The following GAS2 variants were observed in gnomAD, a reference collection of about 807,000 sequenced individuals.
GAS2 encodes growth arrest-specific protein 2.
GAS2 carries 20 observed loss-of-function variants against 37.5 expected under a neutral mutation model. That is an observed-to-expected ratio of 0.53 (90% CI 0.37 to 0.77). The LOEUF is 0.77. GAS2 is among the 30% of genes least tolerant of loss of function. The probability of loss-of-function intolerance (pLI) is 0.00; values close to 1 mark genes in which losing one functional copy is unlikely to be tolerated. For synonymous variants in GAS2, 144 were observed against 132.2 expected (o/e 1.09, Z -0.61); for missense variants, 336 against 373.4 (o/e 0.90, Z 0.82).
At chr11:22,710,452 A>G (rs956195362) in intron 3 of GAS2, among the ~76,000 whole-genome samples, 69 of 151,800 alleles carry the variant, frequency 4.5e-4, no homozygotes, top group African/African-American at 1.6e-3. Flanking sequence ...GTTGGAAATG[A>G]AAAATTCAAG....
At chr11:22,639,450 C>A (rs369684363) in intron 1 of GAS2, among the ~76,000 whole-genome samples, 1 of 152,096 alleles carries the variant, frequency 6.6e-6, no homozygotes, top group Admixed American at 6.6e-5. Flanking sequence ...TCTAAATTAC[C>A]AGTCTGTGGT....
chr11:22,639,144 G>T (rs1446945051), intron 1 of GAS2, among the ~76,000 whole-genome samples: 2 of 152,022 alleles, frequency 1.3e-5, no homozygotes, highest in African/African-American at 4.8e-5. Flanking sequence ...GTTCCATATT[G>T]CTATAGTTTG....
chr11:22,732,636 G>C (rs529729107), intron 4 of GAS2, among the ~76,000 whole-genome samples: 1 of 151,798 alleles, frequency 6.6e-6, no homozygotes, highest in South Asian at 2.1e-4. Context: ...ATGACACAGA[G>C]AGTAGTCTGT....
In GAS2 at chr11:22,779,096, G is replaced by GA. The variant is rs538461868; in HGVS notation, c.723+23151dup. Among the ~76,000 whole-genome samples the GA allele has an allele frequency of 2.2e-3, 322 of 149,238 alleles. 1 individual carries two copies. The highest frequency in any genetic ancestry group is 7.5e-3 in the African/African-American group (304 of 40,650). On this transcript the variant is annotated intron_variant, in intron 7 of 7. Transcript: ENST00000454584. ...TTTCTTTTTTGGGTTTAAAATAAAG[G>GA]AAAAAAAATAGAATCAGGGAATACT...
chr11:22,715,624 T>C (rs1851637839), intron 3 of GAS2, among the ~76,000 whole-genome samples: 1 of 151,894 alleles, frequency 6.6e-6, no homozygotes. Flanking sequence ...CCTGGAAATA[T>C]ACAACCCTTG....
intron 3 of GAS2, among the ~76,000 whole-genome samples, chr11:22,694,835 CAACA>C (rs897025149): frequency 2.6e-5 from 4 of 152,094 alleles, no homozygotes; most frequent in Admixed American, 1.3e-4. Flanking sequence ...GCAAAGACAG[CAACA>C]AACAAACAAA....
chr11:22,787,375 C>T (rs1855865943), intron 7 of GAS2, among the ~76,000 whole-genome samples: 1 of 151,958 alleles, frequency 6.6e-6, no homozygotes, highest in Admixed American at 6.6e-5. Context: ...TAATGTTGTT[C>T]CTATTATTCA....
chr11:22,675,254 TCAGATTG>T (rs1302996040), intron 2 of GAS2, among the ~76,000 whole-genome samples: 1 of 152,202 alleles, frequency 6.6e-6, no homozygotes, highest in Non-Finnish European at 1.5e-5. Flanking sequence ...AAATATGCAG[TCAGATTG>T]CTTATTTTAT....
chr11:22,641,177 G>T (rs563413511), intron 1 of GAS2, among the ~76,000 whole-genome samples: 3 of 143,954 alleles, frequency 2.1e-5, no homozygotes, highest in African/African-American at 5.1e-5. Context: ...CTCTGCTAAG[G>T]TTCCAGGATT....
intron 7 of GAS2, among the ~76,000 whole-genome samples, chr11:22,792,971 A>G (rs1856242107): frequency 6.6e-6 from 1 of 152,188 alleles, no homozygotes; most frequent in Non-Finnish European, 1.5e-5. Flanking sequence ...GAAGACAAAA[A>G]CAGGGATTAC....
chr11:22,810,761 G>A (rs1030510817), intron 7 of GAS2, among the ~76,000 whole-genome samples: 1 of 152,080 alleles, frequency 6.6e-6, no homozygotes, highest in African/African-American at 2.4e-5. Flanking sequence ...CATGAAAGTG[G>A]TAAGAACAAG....
chr11:22,745,409 A>C (rs1463481890), intron 5 of GAS2, among the ~76,000 whole-genome samples: 2 of 152,138 alleles, frequency 1.3e-5, no homozygotes, highest in Non-Finnish European at 2.9e-5. Flanking sequence ...GAGTATCCAT[A>C]AGCAGAAGAA....
chr11:22,714,429 G>A (rs1851563320), intron 3 of GAS2, among the ~76,000 whole-genome samples: 1 of 152,012 alleles, frequency 6.6e-6, no homozygotes, highest in Non-Finnish European at 1.5e-5. Context: ...GTAATAGTGA[G>A]GAAACCCAAT....
chr11:22,656,049 G>C (rs1848850696), intron 1 of GAS2, among the ~76,000 whole-genome samples: 1 of 152,152 alleles, frequency 6.6e-6, no homozygotes, highest in Non-Finnish European at 1.5e-5. Context: ...CATGTTGTCT[G>C]AGTAAAACTG....
intron 3 of GAS2, among the ~76,000 whole-genome samples, chr11:22,722,904 CAGTTAGTTAATGGAA>C (rs1269963791): frequency 6.6e-6 from 1 of 151,756 alleles, no homozygotes; most frequent in Non-Finnish European, 1.5e-5. Flanking sequence ...GAGAATTAAG[CAGTTAGTTAATGGAA>C]AACTAATCCA....
At chr11:22,789,454 A>AT (rs1564889929) in intron 7 of GAS2, among the ~76,000 whole-genome samples, 5 of 61,204 alleles carry the variant, frequency 8.2e-5, no homozygotes, top group Non-Finnish European at 1.0e-4. Flanking sequence ...ATATATATAT[A>AT]TTCTTTTTTT....
intron 3 of GAS2, among the ~76,000 whole-genome samples, chr11:22,691,626 G>C (rs1043005636): frequency 3.9e-5 from 6 of 152,050 alleles, no homozygotes; most frequent in African/African-American, 1.2e-4. Context: ...CATAATGCTA[G>C]AATTAAACAG....
At chr11:22,671,558 G>C (rs1314123051) in intron 1 of GAS2, among the ~76,000 whole-genome samples, 1 of 152,038 alleles carries the variant, frequency 6.6e-6, no homozygotes, top group African/African-American at 2.4e-5. Flanking sequence ...TGGATCATCA[G>C]TCACTTTATT....
chr11:22,752,449 A>G (rs2134309953), intron 6 of GAS2, among the ~76,000 whole-genome samples: 1 of 152,158 alleles, frequency 6.6e-6, no homozygotes, highest in African/African-American at 2.4e-5. Flanking sequence ...CATCTAATAT[A>G]AAAGGAAATT....
Sources: gnomAD v4.1 joint callset for allele counts (sites outside exome capture counted in the v4.1 genomes callset) on GRCh38, gnomAD v4.1.1 for gene constraint, MANE v1.5 for transcripts, NCBI Gene and HGNC (gene_info 2026-07-23, HGNC 2026-07-21) for gene names.